The following NAV2 variants were observed in gnomAD, a reference collection of about 807,000 sequenced individuals.
NAV2 encodes helicase, APC down-regulated 1.
In NAV2, 54 loss-of-function variants were observed where a neutral mutation model predicts 223.2. The observed-to-expected ratio is 0.24, with a 90% CI of 0.19 to 0.30. The LOEUF is 0.30. Ranked by LOEUF, NAV2 falls within the 10% of genes least tolerant of loss-of-function variation. NAV2 has a pLI of 1.00. For synonymous variants in NAV2, 1,279 were observed against 1,239.3 expected (o/e 1.03, Z -0.67); for missense variants, 2,806 against 3,147.5 (o/e 0.89, Z 2.60).
intron 32 of NAV2, among the ~76,000 whole-genome samples, chr11:20,101,744 A>G (rs2061657721): frequency 6.6e-6 from 1 of 152,220 alleles, no homozygotes; most frequent in Admixed American, 6.5e-5. Flanking sequence ...CCCTGTGGCC[A>G]GCAAATAGAT....
intron 1 of NAV2, among the ~76,000 whole-genome samples, chr11:19,643,654 T>A (rs1166239161): frequency 1.3e-5 from 2 of 152,170 alleles, no homozygotes; most frequent in East Asian, 1.9e-4. Flanking sequence ...TAGCAGCACG[T>A]TTTATAATCC....
intron 5 of NAV2, among the ~76,000 whole-genome samples, chr11:19,882,984 T>C (rs983199655): frequency 6.6e-6 from 1 of 152,246 alleles, no homozygotes; most frequent in Non-Finnish European, 1.5e-5. Context: ...ACTCTGGCTA[T>C]AAATTTAAGA....
intron 1 of NAV2, among the ~76,000 whole-genome samples, chr11:19,569,558 G>A (rs2045362776): frequency 6.6e-6 from 1 of 152,068 alleles, no homozygotes; most frequent in South Asian, 2.1e-4. Context: ...CTCAAACTAT[G>A]GCAGCTGTTT....
chr11:19,747,318 C>T (rs956480382), intron 1 of NAV2, among the ~76,000 whole-genome samples: 8 of 152,008 alleles, frequency 5.3e-5, no homozygotes, highest in Non-Finnish European at 8.8e-5. Context: ...GTTGTGAACA[C>T]TCATTATGTC....
chr11:19,538,539 G>A (rs369475145), intron 1 of NAV2, among the ~76,000 whole-genome samples: 28 of 151,186 alleles, frequency 1.9e-4, no homozygotes, highest in African/African-American at 5.6e-4. Context: ...TTTCTGCTAA[G>A]ATGGGAGTCT....
intron 3 of NAV2, among the ~76,000 whole-genome samples, chr11:19,855,070 G>C (rs1052849847): frequency 6.6e-6 from 1 of 151,954 alleles, no homozygotes; most frequent in Non-Finnish European, 1.5e-5. Flanking sequence ...GCTTAGGAAG[G>C]CTCTTAAACA....
At chr11:19,865,748 GC>G (rs1412309927) in intron 3 of NAV2, among the ~76,000 whole-genome samples, 2 of 151,910 alleles carry the variant, frequency 1.3e-5, no homozygotes, top group African/African-American at 4.9e-5. Context: ...GTGCAGACCA[GC>G]CATCTGGTTT....
intron 11 of NAV2, chr11:20,022,832 G>A: frequency 7.9e-7 from 1 of 1,269,484 alleles, no homozygotes; most frequent in Non-Finnish European, 9.9e-7. Context: ...CTTTTGCTTT[G>A]CTGAAACTTT....
chr11:19,658,660 C>T (rs1182265377), intron 1 of NAV2, among the ~76,000 whole-genome samples: 1 of 152,136 alleles, frequency 6.6e-6, no homozygotes, highest in Non-Finnish European at 1.5e-5. Flanking sequence ...CAGCAGTATC[C>T]CCGTGCAGGC....
At chr11:19,355,644 G>A (rs184697692) in intron 1 of NAV2, among the ~76,000 whole-genome samples, 13 of 152,266 alleles carry the variant, frequency 8.5e-5, no homozygotes, top group Non-Finnish European at 1.8e-4. Flanking sequence ...TACCACCCTA[G>A]TTTAAGGTCC....
intron 1 of NAV2, among the ~76,000 whole-genome samples, chr11:19,662,199 A>G (rs191009889): frequency 2.5e-3 from 383 of 152,360 alleles, no homozygotes; most frequent in Middle Eastern, 6.8e-3. Context: ...ATAGAAAAAA[A>G]GGTGAAAAGA....
intron 6 of NAV2, among the ~76,000 whole-genome samples, chr11:19,907,403 G>A (rs920644237): frequency 4.6e-5 from 7 of 152,158 alleles, no homozygotes; most frequent in Non-Finnish European, 1.0e-4. Flanking sequence ...TTCACTGAAA[G>A]GACGACTTTT....
At chr11:19,600,511 A>G (rs1565089401) in intron 1 of NAV2, among the ~76,000 whole-genome samples, 1 of 152,074 alleles carries the variant, frequency 6.6e-6, no homozygotes, top group Non-Finnish European at 1.5e-5. Context: ...ATCCCCCAAA[A>G]CTTTTGAGGA....
At chr11:19,691,653 C>T (rs555432787) in intron 1 of NAV2, among the ~76,000 whole-genome samples, 2 of 152,204 alleles carry the variant, frequency 1.3e-5, no homozygotes, top group African/African-American at 2.4e-5. Context: ...CTGCAAGCTC[C>T]GCCTCTCAGG....
intron 1 of NAV2, among the ~76,000 whole-genome samples, chr11:19,655,527 T>C (rs994589937): frequency 4.6e-5 from 7 of 151,830 alleles, no homozygotes; most frequent in Non-Finnish European, 1.0e-4. Context: ...GTTAAGAAAA[T>C]GTGGCACATA....
At chr11:19,688,041 G>A (rs2049072299) in intron 1 of NAV2, among the ~76,000 whole-genome samples, 1 of 152,114 alleles carries the variant, frequency 6.6e-6, no homozygotes, top group South Asian at 2.1e-4. Flanking sequence ...TCTGTCTTCT[G>A]GTTTCTTCAG....
At chr11:19,433,690 C>T (rs540228737) in intron 1 of NAV2, among the ~76,000 whole-genome samples, 1 of 152,332 alleles carries the variant, frequency 6.6e-6, no homozygotes, top group African/African-American at 2.4e-5. Flanking sequence ...CATGGGGAGT[C>T]TCTGATTAGG....
At chr11:19,929,347 G>A (rs1443198115) in intron 6 of NAV2, among the ~76,000 whole-genome samples, 1 of 152,198 alleles carries the variant, frequency 6.6e-6, no homozygotes, top group Non-Finnish European at 1.5e-5. Context: ...TCCTAGGAAT[G>A]ATAGAAATGT....
intron 1 of NAV2, among the ~76,000 whole-genome samples, chr11:19,392,930 G>T (rs1223595112): frequency 6.6e-6 from 1 of 152,192 alleles, no homozygotes; most frequent in Non-Finnish European, 1.5e-5. Flanking sequence ...GACTTGCTCA[G>T]ATTCCCAGTG....
Sources: allele counts gnomAD v4.1 joint callset (sites outside exome capture counted in the v4.1 genomes callset), GRCh38; gene constraint gnomAD v4.1.1; transcripts MANE v1.5; gene names NCBI Gene and HGNC (gene_info 2026-07-23, HGNC 2026-07-21).